PITPNM2: variants seen among roughly 807,000 people sequenced by gnomAD.
PITPNM2 encodes the protein phosphatidylinositol transfer protein membrane associated 2, also known as membrane-associated phosphatidylinositol transfer protein 2.
A neutral mutation model predicts 132.2 loss-of-function variants in PITPNM2; 35 were observed. That is an observed-to-expected ratio of 0.26 (90% confidence interval 0.20 to 0.35). The LOEUF is 0.35. Among genes scored for constraint, PITPNM2 ranks in the 10% least tolerant of loss-of-function variants. PITPNM2 has a pLI of 1.00. For synonymous variants in PITPNM2, 738 were observed against 799.2 expected (o/e 0.92, Z 1.29); for missense variants, 1,332 against 1,912.0 (o/e 0.70, Z 5.66).
rs1461433907 is a variant in PITPNM2, at chr12:122,986,154, T to A, written c.3923A>T (p.His1308Leu). Residue 1308 changes from histidine (H) to leucine (L), a missense_variant, in exon 26 of 26, where the codon CAC becomes CTC. By Grantham distance (99) the His-to-Leu change is moderately conservative. Transcript: ENST00000320201. The stretch of plus-strand genomic sequence containing the variant: ...ATCCGCCTGGCTCTGTGTCCGCTCG[T>A]GCCGGTGGCTGGGCCCGCTGGGCTG... Reference protein sequence around the residue: ...SAQPSGPSHRHERTQSQADGE... With the variant: ...SAQPSGPSHRLERTQSQADGE... 6.5e-7 allele frequency: 1 copy of A among 1,532,632 alleles called. No homozygotes were observed. Among genetic ancestry groups the A allele is most frequent in the East Asian group, 2.5e-5 (1 of 40,318 alleles). The allele number at this position is 1,532,632 out of a possible 1,614,324, so 94.9% of individuals were successfully genotyped here. A position where few individuals can be genotyped will look rare whatever the true frequency, so the allele number is the denominator to read the frequency against.
chr12:123,116,230 C>T (rs530794207), intron 1 of PITPNM2, among the ~76,000 whole-genome samples: 1 of 152,172 alleles, frequency 6.6e-6, no homozygotes, highest in Non-Finnish European at 1.5e-5. Context: ...GGTATTTCTG[C>T]ACCAATGTTC....
At chr12:123,127,671 G>T (rs1035195051) in intron 1 of PITPNM2, among the ~76,000 whole-genome samples, 1 of 149,468 alleles carries the variant, frequency 6.7e-6, no homozygotes, top group Non-Finnish European at 1.5e-5. Context: ...GTGCAGTGGC[G>T]TGATCTCGGC....
intron 2 of PITPNM2, among the ~76,000 whole-genome samples, chr12:123,086,832 A>T (rs1364767708): frequency 6.6e-6 from 1 of 152,236 alleles, no homozygotes; most frequent in African/African-American, 2.4e-5. Context: ...CGGCTTGCAC[A>T]GCTCTGACTT....
intron 2 of PITPNM2, among the ~76,000 whole-genome samples, chr12:123,044,295 G>A (rs931751175): frequency 2.0e-5 from 3 of 152,192 alleles, no homozygotes; most frequent in African/African-American, 7.2e-5. Context: ...TCCTACATAA[G>A]AAGTGCCAGG....
At chr12:123,136,951 A>G (rs1389472556) in intron 1 of PITPNM2, among the ~76,000 whole-genome samples, 1 of 152,220 alleles carries the variant, frequency 6.6e-6, no homozygotes, top group Non-Finnish European at 1.5e-5. Flanking sequence ...AATGTACAGA[A>G]CAGCGTCATA....
chr12:123,115,324 G>A (rs545757456), intron 1 of PITPNM2, among the ~76,000 whole-genome samples: 14 of 152,286 alleles, frequency 9.2e-5, no homozygotes, highest in African/African-American at 3.1e-4. Context: ...AACCCTCAGA[G>A]ACGTTCAAAG....
intron 2 of PITPNM2, among the ~76,000 whole-genome samples, chr12:123,051,775 T>A (rs2040862900): frequency 6.6e-6 from 1 of 152,214 alleles, no homozygotes; most frequent in South Asian, 2.1e-4. Flanking sequence ...GGTCTGTTTT[T>A]CCAGAGAGGG....
At chr12:123,102,965 C>G (rs2042601675) in intron 2 of PITPNM2, among the ~76,000 whole-genome samples, 1 of 152,182 alleles carries the variant, frequency 6.6e-6, no homozygotes, top group South Asian at 2.1e-4. Flanking sequence ...ACTCAGTCGC[C>G]CAGGCTGGAG....
At chr12:123,131,967 A>G (rs1727294) in intron 1 of PITPNM2, among the ~76,000 whole-genome samples, 95,057 of 152,120 alleles carry the variant, frequency 0.62, 34,402 homozygotes, top group East Asian at 0.86. Context: ...GGATCCCACA[A>G]CATGTCCGTG....
intron 1 of PITPNM2, among the ~76,000 whole-genome samples, chr12:123,138,958 C>A (rs1310777139): frequency 6.6e-6 from 1 of 151,220 alleles, no homozygotes; most frequent in Non-Finnish European, 1.5e-5. Context: ...GGCAACATAG[C>A]AAGACCCTGT....
intron 2 of PITPNM2, among the ~76,000 whole-genome samples, chr12:123,068,468 AATAAATAAATAAAT>A (rs1410780761): frequency 2.4e-5 from 1 of 41,820 alleles, no homozygotes; most frequent in Non-Finnish European, 1.1e-4. Flanking sequence ...TAAATAAATA[AATAAATAAATAAAT>A]AAATAAATAA....
chr12:123,141,754 G>A (rs1023430554), intron 1 of PITPNM2, among the ~76,000 whole-genome samples: 5 of 151,952 alleles, frequency 3.3e-5, no homozygotes, highest in African/African-American at 1.2e-4. Context: ...TTTATGAGCC[G>A]GCCTCCAGCT....
intron 1 of PITPNM2, among the ~76,000 whole-genome samples, chr12:123,138,141 T>C (rs1467509490): frequency 6.6e-6 from 1 of 152,092 alleles, no homozygotes; most frequent in African/African-American, 2.4e-5. Flanking sequence ...CAATGAACCA[T>C]TAGTCAGTCT....
chr12:123,135,589 C>G (rs2043362154), intron 1 of PITPNM2, among the ~76,000 whole-genome samples: 1 of 152,208 alleles, frequency 6.6e-6, no homozygotes, highest in Non-Finnish European at 1.5e-5. Context: ...ACTCTAGGTA[C>G]CTTGTATAAG....
At chr12:123,012,209 C>T (rs549398752) in intron 5 of PITPNM2, among the ~76,000 whole-genome samples, 1 of 152,354 alleles carries the variant, frequency 6.6e-6, no homozygotes, top group South Asian at 2.1e-4. Context: ...GGGGCCCATC[C>T]CCTACATGTC....
chr12:123,061,060 G>A (rs2041220194), intron 2 of PITPNM2, among the ~76,000 whole-genome samples: 1 of 151,792 alleles, frequency 6.6e-6, no homozygotes, highest in Admixed American at 6.6e-5. Flanking sequence ...ATCCACCCAT[G>A]CATTCATCCA....
At chr12:123,128,609 TG>T (rs904679933) in intron 1 of PITPNM2, among the ~76,000 whole-genome samples, 12 of 150,400 alleles carry the variant, frequency 8.0e-5, no homozygotes, top group Middle Eastern at 7.0e-3. Flanking sequence ...AAAAATTAGC[TG>T]GCCATAGTGG....
At chr12:122,987,728 G>A in intron 21 of PITPNM2, 57 bp downstream of exon 21, 1 of 1,612,680 alleles carries the variant, frequency 6.2e-7, no homozygotes, top group African/African-American at 1.3e-5. Context: ...CCGGCCAGAG[G>A]GCAGCAGGGA....
rs1189639131 is a variant in PITPNM2 at position 122,993,770 on chromosome 12, TG to T, written c.2233+1030del. 1.3e-5 allele frequency among the ~76,000 whole-genome samples: 2 copies of T among 152,246 alleles called. No individual in the cohort carries two copies. The highest frequency in any genetic ancestry group is 2.4e-5 in the African/African-American group (1 of 41,456). Reference sequence around the variant, plus strand: ...CCCTCCATGGGGCTGCCTTGGTTGTTGGGGTCCCCTTAAAGCTACCCATTTC... The same window carrying T: ...CCCTCCATGGGGCTGCCTTGGTTGTTGGGTCCCCTTAAAGCTACCCATTTC... On this transcript the variant is annotated intron_variant, in intron 15 of 25. Coordinates refer to ENST00000320201, the MANE Select transcript of PITPNM2 (RefSeq NM_020845.3). The surrounding 1 kb of genome is among the most constrained non-coding windows in gnomAD (Gnocchi z 5.2).
Sources: gnomAD v4.1 joint callset for allele counts (sites outside exome capture counted in the v4.1 genomes callset) on GRCh38, gnomAD v4.1.1 for gene constraint, Gnocchi (gnomAD v3.1) non-coding constraint, MANE v1.5 for transcripts, NCBI Gene and HGNC (gene_info 2026-07-23, HGNC 2026-07-21) for gene names.